The following LRRC8C variants were observed in gnomAD, a reference collection of about 807,000 sequenced individuals.
LRRC8C encodes the protein volume-regulated anion channel subunit LRRC8C.
A neutral mutation model predicts 55.3 loss-of-function variants in LRRC8C; 20 were observed. The ratio of observed to expected loss-of-function variants is 0.36; its 90% CI spans 0.25 to 0.53. The LOEUF (loss-of-function observed/expected upper bound fraction) is 0.53, where lower values mean the gene tolerates loss of function less well. LRRC8C is among the 20% of genes least tolerant of loss of function. The probability of loss-of-function intolerance (pLI) is 0.92; values close to 1 mark genes in which losing one functional copy is unlikely to be tolerated. For synonymous variants in LRRC8C, 376 were observed against 360.7 expected (o/e 1.04, Z -0.48); for missense variants, 659 against 951.4 (o/e 0.69, Z 4.04).
intron 1 of LRRC8C, among the ~76,000 whole-genome samples, chr1:89,640,916 AT>A (rs1656438510): frequency 6.6e-6 from 1 of 152,234 alleles, no homozygotes; most frequent in African/African-American, 2.4e-5. Context: ...GTGAAAGGAA[AT>A]AATCAAAGAT....
intron 1 of LRRC8C, among the ~76,000 whole-genome samples, chr1:89,684,291 A>G (rs1228589416): frequency 2.0e-5 from 3 of 152,222 alleles, no homozygotes; most frequent in South Asian, 2.1e-4. Context: ...TTCCTCTACG[A>G]TGTAAAGAAA....
chr1:89,625,256 C>T, the LRRC8C span: 1 of 152,132 alleles, frequency 6.6e-6, no homozygotes, highest in African/African-American at 2.4e-5. Context: ...AAAATTCTCA[C>T]ACCAAACAAG....
chr1:89,677,288 A>G lies in LRRC8C; in HGVS notation c.-4-9182A>G, dbSNP rs116731726. On this transcript the variant is annotated intron_variant, in intron 1 of 2. Transcript: ENST00000370454. Reference sequence around the variant, plus strand: ...AACATACAATATCATGGAGATATCCAAGGAAAAGATGGAAGTATTCATTGG... The same window carrying G: ...AACATACAATATCATGGAGATATCCGAGGAAAAGATGGAAGTATTCATTGG... Among the ~76,000 whole-genome samples, 1,290 of 152,310 alleles carry G rather than the reference A, an allele frequency of 8.5e-3. 16 individuals are homozygous for G. Among genetic ancestry groups the G allele is most frequent in the African/African-American group, 0.03 (1,240 of 41,574 alleles).
chr1:89,672,872 A>C (rs149662182), intron 1 of LRRC8C, among the ~76,000 whole-genome samples: 137 of 152,244 alleles, frequency 9.0e-4, no homozygotes, highest in African/African-American at 3.2e-3. Context: ...CTAAAACATT[A>C]GGCTGTGTTA....
intron 1 of LRRC8C, among the ~76,000 whole-genome samples, chr1:89,648,563 A>C (rs1656676314): frequency 6.6e-6 from 1 of 152,226 alleles, no homozygotes; most frequent in Non-Finnish European, 1.5e-5. Flanking sequence ...GAATTGCACA[A>C]ACTAAAATAC....
In LRRC8C at chr1:89,712,840, C is replaced by T. The variant is rs753889427; in HGVS notation, c.270C>T (p.Asn90=). The T allele has an allele frequency of 4.3e-6, 7 of 1,614,090 alleles. No homozygotes were observed. In the African/African-American group the frequency reaches 9.3e-5, roughly 22 times the overall value. The part of the protein sequence containing the change: ...PLPPPKPSPA[N]PITVEMKGLK... ...CTCCACCTAAACCATCTCCTGCTAACCCCATCACTGTGGAAATGAAAGGCC... is the reference window on the plus strand; with the variant it reads ...CTCCACCTAAACCATCTCCTGCTAATCCCATCACTGTGGAAATGAAAGGCC... Residue 90 remains asparagine (N), a synonymous_variant, in exon 3 of 3, where the codon AAC becomes AAT. Coordinates refer to ENST00000370454, the MANE Select transcript of LRRC8C (RefSeq NM_032270.5).
the LRRC8C span, among the ~76,000 whole-genome samples, chr1:89,625,818 G>A: frequency 2.4e-4 from 36 of 152,252 alleles, no homozygotes; most frequent in African/African-American, 7.9e-4. Flanking sequence ...TAGATGCTTC[G>A]TCAGGGCTGA....
In LRRC8C at chr1:89,638,967, A is replaced by ATTTTATTTTATTTTATT. The variant is rs1553163816; in HGVS notation, c.-5+5647_-5+5648insTTATTTTATTTTATTTT. 4.4e-4 allele frequency among the ~76,000 whole-genome samples: 60 copies of ATTTTATTTTATTTTATT among 137,912 alleles called. 1 individual carries two copies. The highest frequency in any genetic ancestry group is 1.5e-3 in the African/African-American group (57 of 37,386). The allele number at this position is 137,912 out of a possible 152,430, so 90.5% of individuals were successfully genotyped here. A position where few individuals can be genotyped will look rare whatever the true frequency, so the allele number is the denominator to read the frequency against. ...TAAACTATAATTTTTTATTTTACTTATTATTTTATTTTATTTTATTTTATT... is the reference window on the plus strand; with the variant it reads ...TAAACTATAATTTTTTATTTTACTTATTTTATTTTATTTTATTTTATTTTATTTTATTTTATTTTATT... On this transcript the variant is annotated intron_variant, in intron 1 of 2. Transcript: ENST00000370454.
chr1:89,672,482 G>T (rs1007688909), intron 1 of LRRC8C, among the ~76,000 whole-genome samples: 5 of 152,170 alleles, frequency 3.3e-5, no homozygotes, highest in Admixed American at 2.0e-4. Context: ...CTTATAGAAA[G>T]AATAAATAAA....
chr1:89,674,342 C>T (rs1400864629), intron 1 of LRRC8C, among the ~76,000 whole-genome samples: 1 of 152,088 alleles, frequency 6.6e-6, no homozygotes, highest in African/African-American at 2.4e-5. Context: ...GAATGTGTGA[C>T]TCTATGAGCA....
intron 2 of LRRC8C, among the ~76,000 whole-genome samples, chr1:89,700,490 C>G (rs1658288472): frequency 6.6e-6 from 1 of 152,196 alleles, no homozygotes; most frequent in Non-Finnish European, 1.5e-5. Flanking sequence ...CCATTACTTT[C>G]AACGGCAAAA....
rs567125772 is a variant in LRRC8C at position 89,718,423 on chromosome 1, A to G, written c.*3441A>G. 1 of 152,306 alleles carries G rather than the reference A, an allele frequency of 6.6e-6. No individual in the cohort carries two copies. The highest frequency in any genetic ancestry group is 1.9e-4 in the East Asian group (1 of 5,190). The allele number at this position is 152,306 out of a possible 1,614,324, so 9.4% of individuals were successfully genotyped here. ...GGTTAAGTGAAGTCCAAATTCTTAC[A>G]GTATGCTATTTCAGGATTTCTGATA... is the stretch of plus-strand genomic sequence containing the variant. On this transcript the variant is annotated 3_prime_UTR_variant, in exon 3 of 3. Coordinates refer to ENST00000370454, the MANE Select transcript of LRRC8C (RefSeq NM_032270.5).
chr1:89,710,337 A>T (rs2101352862), intron 2 of LRRC8C, among the ~76,000 whole-genome samples: 1 of 152,302 alleles, frequency 6.6e-6, no homozygotes, highest in South Asian at 2.1e-4. Context: ...TTTCCAAAGT[A>T]TGGTGCTTGA....
the LRRC8C span, among the ~76,000 whole-genome samples, chr1:89,619,997 C>T: frequency 6.6e-6 from 1 of 152,128 alleles, no homozygotes; most frequent in Admixed American, 6.6e-5. Context: ...CTTTGGACTG[C>T]TGTGAAAAAA....
At position 89,713,193 on chromosome 1, in the gene LRRC8C, T is replaced by C; in HGVS notation, c.623T>C (p.Val208Ala). 6.2e-7 allele frequency: 1 copy of C among 1,614,186 alleles called. No homozygotes were observed. The highest frequency in any genetic ancestry group is 8.5e-7 in the Non-Finnish European group (1 of 1,180,034). Reference sequence around the variant, plus strand: ...CAATCTGGTCCAGAAGACAGCCTGGTCAACTCTCAGTCTTTAAAGTCCATT... The same window carrying C: ...CAATCTGGTCCAGAAGACAGCCTGGCCAACTCTCAGTCTTTAAAGTCCATT... Reference protein sequence around the residue: ...TIQSGPEDSLVNSQSLKSIPE... With the variant: ...TIQSGPEDSLANSQSLKSIPE... Residue 208 changes from valine to alanine, a missense_variant, in exon 3 of 3, where the codon GTC becomes GCC. Physicochemically the swap from Val to Ala is moderately conservative, Grantham distance 64 (BLOSUM62 0). Coordinates refer to ENST00000370454, the MANE Select transcript of LRRC8C (RefSeq NM_032270.5). The surrounding 1 kb of genome is among the most constrained non-coding windows in gnomAD (Gnocchi z 5.2).
intron 2 of LRRC8C, among the ~76,000 whole-genome samples, chr1:89,690,496 C>A (rs1472920758): frequency 6.6e-6 from 1 of 151,972 alleles, no homozygotes; most frequent in Non-Finnish European, 1.5e-5. Flanking sequence ...GCAGGATCTG[C>A]CTAACAAGCA....
chr1:89,658,605 C>T (rs1657013843), intron 1 of LRRC8C, among the ~76,000 whole-genome samples: 1 of 152,150 alleles, frequency 6.6e-6, no homozygotes, highest in Non-Finnish European at 1.5e-5. Context: ...ATATCAGGAT[C>T]ACCTATGAAC....
chr1:89,668,151 C>T (rs927935373), intron 1 of LRRC8C: 5 of 152,562 alleles, frequency 3.3e-5, no homozygotes, highest in African/African-American at 7.2e-5. Flanking sequence ...ATTTGGTATA[C>T]ATTTCCCAGC....
At chr1:89,700,593 A>G (rs919898002) in intron 2 of LRRC8C, among the ~76,000 whole-genome samples, 3 of 152,220 alleles carry the variant, frequency 2.0e-5, no homozygotes, top group Non-Finnish European at 4.4e-5. Flanking sequence ...TCTCTGAACA[A>G]TCCCTGGAGA....
Sources: allele counts gnomAD v4.1 joint callset (sites outside exome capture counted in the v4.1 genomes callset), GRCh38; gene constraint gnomAD v4.1.1; non-coding constraint Gnocchi (gnomAD v3.1); transcripts MANE v1.5; gene names NCBI Gene and HGNC (gene_info 2026-07-23, HGNC 2026-07-21).